The following STIP1 variants were observed in gnomAD, a reference collection of about 807,000 sequenced individuals.
STIP1 encodes the protein stress induced phosphoprotein 1.
Under a neutral mutation model 77.4 loss-of-function variants are expected in STIP1, and 16 were observed. The observed-to-expected ratio is 0.21, with a 90% confidence interval of 0.14 to 0.31. The LOEUF (loss-of-function observed/expected upper bound fraction) is 0.31, where lower values mean the gene tolerates loss of function less well. STIP1 is among the 10% of genes least tolerant of loss of function. The pLI is 1.00. For synonymous variants in STIP1, 258 were observed against 246.6 expected (o/e 1.05, Z -0.44); for missense variants, 524 against 684.8 (o/e 0.77, Z 2.62).
In STIP1 at chr11:64,193,138, T is replaced by G. The variant is rs990255409; in HGVS notation, c.70T>G (p.Leu24Val). ...GAGCGTGGGTAACATCGATGATGCCTTACAGTGCTACTCCGAAGCTATTAA... is the reference window on the plus strand; with the variant it reads ...GAGCGTGGGTAACATCGATGATGCCGTACAGTGCTACTCCGAAGCTATTAA... ...ALSVGNIDDA[L>V]QCYSEAIKLD... Residue 24 changes from leucine (L) to valine (V), a missense_variant, in exon 2 of 14, where the codon TTA becomes GTA. Leu to Val is a conservative substitution (Grantham distance 32, BLOSUM62 1). Transcript: ENST00000305218. 1 of 1,614,190 alleles carries G rather than the reference T, an allele frequency of 6.2e-7. No individual in the cohort carries two copies. Among genetic ancestry groups the G allele is most frequent in the African/African-American group, 1.3e-5 (1 of 75,042 alleles).
chr11:64,195,498 C>T, intron 4 of STIP1, 147 bp from the exon 5 acceptor site: 2 of 727,046 alleles, frequency 2.8e-6, no homozygotes, highest in African/African-American at 1.8e-5. Context: ...AATTGTAACT[C>T]ATGAGTGGTG....
At chr11:64,187,595 G>A (rs1946038939) in intron 1 of STIP1, among the ~76,000 whole-genome samples, 1 of 152,156 alleles carries the variant, frequency 6.6e-6, no homozygotes, top group Admixed American at 6.5e-5. Flanking sequence ...TGGAAATGAA[G>A]TTAGTAAACT....
At chr11:64,197,646 C>A in intron 7 of STIP1, 51 bp downstream of exon 7, 1 of 1,605,086 alleles carries the variant, frequency 6.2e-7, no homozygotes, top group South Asian at 1.1e-5. Flanking sequence ...GTTTGCTGTC[C>A]AAGACTTAAG....
chr11:64,198,485 A>G (rs1265562700), intron 8 of STIP1, among the ~76,000 whole-genome samples: 1 of 151,984 alleles, frequency 6.6e-6, no homozygotes, highest in Non-Finnish European at 1.5e-5. Flanking sequence ...TCCTGGGATT[A>G]CAGGCCACTG....
chr11:64,187,144 C>T (rs1016328752), intron 1 of STIP1, among the ~76,000 whole-genome samples: 15 of 152,100 alleles, frequency 9.9e-5, no homozygotes, highest in Middle Eastern at 3.4e-3. Context: ...TTTGAGGGGC[C>T]GAGTTTGAAG....
chr11:64,185,883 G>A, upstream of STIP1: 1 of 1,536,168 alleles, frequency 6.5e-7, no homozygotes, highest in Non-Finnish European at 8.7e-7. Context: ...AGAACCAATG[G>A]GCGCGGCCAG....
intron 10 of STIP1, among the ~76,000 whole-genome samples, chr11:64,201,190 C>T (rs1946216425): frequency 6.6e-6 from 1 of 152,144 alleles, no homozygotes; most frequent in African/African-American, 2.4e-5. Flanking sequence ...CAGGTGTGCA[C>T]CACTGTACCC....
intron 10 of STIP1, among the ~76,000 whole-genome samples, chr11:64,200,669 TG>T (rs1946209683): frequency 6.6e-6 from 1 of 151,710 alleles, no homozygotes; most frequent in East Asian, 1.9e-4. Context: ...TCCTGGTCCA[TG>T]GAGTCACTAC....
chr11:64,188,343 CAAA>C (rs35340432), intron 1 of STIP1, among the ~76,000 whole-genome samples: 6 of 100,514 alleles, frequency 6.0e-5, no homozygotes, highest in Admixed American at 9.5e-5. Flanking sequence ...GACTCCATCT[CAAA>C]AAAAAAAAAA....
intron 1 of STIP1, among the ~76,000 whole-genome samples, chr11:64,191,901 C>T (rs998459456): frequency 2.0e-5 from 3 of 152,208 alleles, no homozygotes; most frequent in Middle Eastern, 3.4e-3. Flanking sequence ...ACTTGCCAGA[C>T]GGTGGGGCAG....
intron 8 of STIP1, 139 bp from the exon 9 acceptor site, chr11:64,199,801 G>C: frequency 1.3e-6 from 1 of 795,846 alleles, no homozygotes; most frequent in Admixed American, 2.6e-5. Context: ...CTGACCTCGT[G>C]ATCCACCCGC....
intron 13 of STIP1, 170 bp downstream of exon 13, chr11:64,203,792 G>C: frequency 1.1e-6 from 1 of 895,648 alleles, no homozygotes. Context: ...GGCTTTGTTA[G>C]TCGTGATAGC....
intron 1 of STIP1, among the ~76,000 whole-genome samples, chr11:64,187,049 G>A (rs1946030709): frequency 6.6e-6 from 1 of 152,150 alleles, no homozygotes. Context: ...AGGTGGGTCT[G>A]AAAGATGGGT....
At chr11:64,203,006 C>G in intron 11 of STIP1, 94 bp downstream of exon 11, 1 of 1,600,404 alleles carries the variant, frequency 6.2e-7, no homozygotes, top group Non-Finnish European at 8.6e-7. Context: ...TCCTTGGGAC[C>G]TGTAGGATTT....
intron 1 of STIP1, among the ~76,000 whole-genome samples, chr11:64,190,549 A>T (rs1200757817): frequency 6.6e-6 from 1 of 152,142 alleles, no homozygotes; most frequent in Admixed American, 6.6e-5. Context: ...TCCTGACCTC[A>T]GTTAATCTAC....
In STIP1 at chr11:64,204,195, C is replaced by T. The variant is rs1426769117; in HGVS notation, c.*69C>T. The T allele has an allele frequency of 6.5e-5, 100 of 1,541,838 alleles. No individual in the cohort carries two copies. The highest frequency in any genetic ancestry group is 7.4e-5 in the Non-Finnish European group (83 of 1,118,056). On this transcript the variant is annotated 3_prime_UTR_variant, in exon 14 of 14. Coordinates refer to ENST00000305218, the MANE Select transcript of STIP1 (RefSeq NM_006819.3). Reference sequence around the variant, plus strand: ...GGAGCTGGGACCGCGGCGAGCAGCACGGAGCGGAAGGGAGAGCAGGGGAGA... The same window carrying T: ...GGAGCTGGGACCGCGGCGAGCAGCATGGAGCGGAAGGGAGAGCAGGGGAGA...
In STIP1 at chr11:64,194,342, GCA is replaced by G. The variant is rs1315703384; in HGVS notation, c.361+15_361+16del. ...GGCCAGGTTGGCAGGTAGGTACCAC[GCA>G]CAGTTTTCTTTCTTATTATTAATGT... is the stretch of plus-strand genomic sequence containing the variant. On this transcript the variant is annotated intron_variant, in intron 3 of 13. Transcript: ENST00000305218. 1.9e-6 allele frequency: 3 copies of G among 1,612,300 alleles called. No homozygotes were observed. The highest frequency in any genetic ancestry group is 1.7e-6 in the Non-Finnish European group (2 of 1,179,564).
At chr11:64,201,279 G>A (rs549266984) in intron 10 of STIP1, among the ~76,000 whole-genome samples, 9 of 152,224 alleles carry the variant, frequency 5.9e-5, no homozygotes, top group Non-Finnish European at 1.0e-4. Flanking sequence ...GGGCTCAAGC[G>A]AGCCTCCTGC....
chr11:64,196,571 C>G (rs556259376), intron 5 of STIP1, among the ~76,000 whole-genome samples: 1 of 152,128 alleles, frequency 6.6e-6, no homozygotes, highest in East Asian at 1.9e-4. Flanking sequence ...TTGTCGTGAT[C>G]CGAAGAATGT....
Sources: allele counts gnomAD v4.1 joint callset (sites outside exome capture counted in the v4.1 genomes callset), GRCh38; gene constraint gnomAD v4.1.1; transcripts MANE v1.5; gene names NCBI Gene and HGNC (gene_info 2026-07-23, HGNC 2026-07-21).